The following TANC2 variants were observed in gnomAD, a reference collection of about 807,000 sequenced individuals.
The protein encoded by TANC2 is tetratricopeptide repeat, ankyrin repeat and coiled-coil containing 2, also known as protein TANC2.
TANC2 carries 26 observed loss-of-function variants against 210.5 expected under a neutral mutation model. The observed-to-expected ratio is 0.12, with a 90% CI of 0.09 to 0.17. The LOEUF is 0.17. TANC2 is among the 10% of genes least tolerant of loss of function. TANC2 has a pLI of 1.00. For missense variants in TANC2, 2,129 were observed against 2,608.9 expected (o/e 0.82, Z 4.01); for synonymous variants, 931 against 967.1 (o/e 0.96, Z 0.69).
chr17:63,265,469 G>C (rs1025675350), intron 8 of TANC2, among the ~76,000 whole-genome samples: 3 of 152,132 alleles, frequency 2.0e-5, no homozygotes, highest in African/African-American at 4.8e-5. Context: ...ATATGAATTG[G>C]AATCTATATC....
At chr17:62,978,362 A>G (rs2032132984) in intron 1 of TANC2, 1 of 152,174 alleles carries the variant, frequency 6.6e-6, no homozygotes, top group South Asian at 2.1e-4. Flanking sequence ...TTCGTATTGT[A>G]TTTATACAAA....
intron 2 of TANC2, among the ~76,000 whole-genome samples, chr17:63,032,032 A>ACT (rs1419761126): frequency 2.6e-5 from 4 of 152,156 alleles, no homozygotes; most frequent in African/African-American, 9.7e-5. Context: ...CATTTTGTGA[A>ACT]CTATATATAG....
At chr17:63,275,242 T>A (rs929857409) in intron 9 of TANC2, among the ~76,000 whole-genome samples, 6 of 152,156 alleles carry the variant, frequency 3.9e-5, no homozygotes, top group African/African-American at 1.4e-4. Context: ...ATATGGTGGT[T>A]TCCTTAGAAC....
chr17:63,424,016 C>G (rs901441212), exon 28 of TANC2: 7 of 152,334 alleles, frequency 4.6e-5, no homozygotes, highest in African/African-American at 1.7e-4. Flanking sequence ...TTGGCCAGGT[C>G]TCAGCACTGC....
intron 5 of TANC2, among the ~76,000 whole-genome samples, chr17:63,177,663 G>C (rs1009154866): frequency 2.0e-5 from 3 of 152,012 alleles, no homozygotes; most frequent in Admixed American, 2.0e-4. Flanking sequence ...GCTCTGATTC[G>C]TGCTGTAGGT....
Position 63,421,462 on chromosome 17 carries a change from C to T in TANC2, c.5732C>T (p.Ser1911Phe). The T allele has an allele frequency of 6.2e-7, 1 of 1,614,052 alleles. No homozygotes were observed. Among genetic ancestry groups the T allele is most frequent in the Non-Finnish European group, 8.5e-7 (1 of 1,179,910 alleles). Residue 1911 changes from serine to phenylalanine, a missense_variant, in exon 28 of 28, where the codon TCT (serine) becomes TTT (phenylalanine). Physicochemically the swap from Ser to Phe is radical, Grantham distance 155. Coordinates refer to ENST00000689528, the Ensembl canonical transcript of TANC2. The surrounding 1 kb of genome is among the most constrained non-coding windows in gnomAD (Gnocchi z 6.9). ...TCATGTGACGAGCTGTCGCCAGTGT[C>T]TCCAACTCAAGGAGGTTACCCCAGT...
chr17:63,260,777 T>A (rs1192781726), intron 8 of TANC2, among the ~76,000 whole-genome samples: 4 of 151,392 alleles, frequency 2.6e-5, no homozygotes, highest in Admixed American at 6.6e-5. Context: ...AAAAAAAAAA[T>A]TTCTTTTGCA....
At chr17:63,164,047 G>A (rs1460730389) in intron 5 of TANC2, among the ~76,000 whole-genome samples, 1 of 151,234 alleles carries the variant, frequency 6.6e-6, no homozygotes, top group African/African-American at 2.4e-5. Flanking sequence ...TTTTGTTCTT[G>A]AACATTCCTT....
chr17:63,420,671 C>T lies in TANC2; in HGVS notation c.4941C>T (p.Arg1647=), dbSNP rs2048998867. The change falls in exon 28 of 28, where the codon CGC becomes CGT. Residue 1647 remains arginine, a synonymous_variant. Coordinates refer to ENST00000689528, the Ensembl canonical transcript of TANC2. The surrounding 1 kb of genome is among the most constrained non-coding windows in gnomAD (Gnocchi z 4.2). The stretch of plus-strand genomic sequence containing the variant: ...GATCCCAGTCTGGTTCACCCGTGCG[C>T]TATCAGCAGGAAACAAGCGTCAGTC... 7 of 1,613,630 alleles carry T rather than the reference C, an allele frequency of 4.3e-6. No homozygotes were observed. Among genetic ancestry groups the T allele is most frequent in the Non-Finnish European group, 5.9e-6 (7 of 1,179,744 alleles).
chr17:63,274,856 C>G (rs1012170802), intron 9 of TANC2, among the ~76,000 whole-genome samples: 4 of 152,048 alleles, frequency 2.6e-5, no homozygotes, highest in African/African-American at 9.7e-5. Context: ...ATTTAATCAC[C>G]ATTAGGTTAA....
chr17:62,997,725 T>C (rs1343728916), intron 1 of TANC2, among the ~76,000 whole-genome samples: 1 of 152,178 alleles, frequency 6.6e-6, no homozygotes, highest in Non-Finnish European at 1.5e-5. Context: ...CTTCAATCTT[T>C]AAACTATTAA....
chr17:63,161,256 G>A (rs543205154), intron 5 of TANC2, among the ~76,000 whole-genome samples: 1 of 152,154 alleles, frequency 6.6e-6, no homozygotes, highest in Admixed American at 6.5e-5. Flanking sequence ...CAGCTACTTG[G>A]GGGGTTGAGG....
chr17:63,145,954 T>C (rs1217203843), intron 4 of TANC2, among the ~76,000 whole-genome samples: 3 of 152,140 alleles, frequency 2.0e-5, no homozygotes, highest in Non-Finnish European at 4.4e-5. Flanking sequence ...TTGAAAGTCG[T>C]TGGGATTTTG....
At chr17:63,413,389 A>AC in intron 24 of TANC2, 154 bp from the exon 25 acceptor site, 1 of 548,016 alleles carries the variant, frequency 1.8e-6, no homozygotes, top group Non-Finnish European at 3.2e-6. Context: ...AGTGGGAGTT[A>AC]CTAAAATACT....
At chr17:63,126,880 A>G (rs747357317) in intron 4 of TANC2, among the ~76,000 whole-genome samples, 5 of 152,128 alleles carry the variant, frequency 3.3e-5, no homozygotes, top group Non-Finnish European at 7.4e-5. Context: ...CTCTAACAGT[A>G]TTATAGTGCC....
intron 18 of TANC2, among the ~76,000 whole-genome samples, chr17:63,398,113 A>T (rs1471349224): frequency 6.6e-6 from 1 of 152,176 alleles, no homozygotes; most frequent in African/African-American, 2.4e-5. Context: ...CAGTCCTTAT[A>T]CATCTGAGAG....
Position 63,420,110 on chromosome 17 carries a change from G to A in TANC2, c.4380G>A (p.Gln1460=), listed in dbSNP as rs1336531995. The A allele has an allele frequency of 1.3e-6, 2 of 1,551,948 alleles. No homozygotes were observed. The highest frequency in any genetic ancestry group is 1.7e-6 in the Non-Finnish European group (2 of 1,147,224). Residue 1460 remains glutamine, a synonymous_variant, in exon 28 of 28, where the codon CAG becomes CAA. Coordinates refer to ENST00000689528, the Ensembl canonical transcript of TANC2. This position sits in a 1 kb window ranked among gnomAD's most constrained non-coding sequence, Gnocchi z 4.2. ...TGGAAGAAGAGTGTAGACAGATGCA[G>A]CAGCCACAGCAGCCACCGCCGCCAC...
intron 5 of TANC2, among the ~76,000 whole-genome samples, chr17:63,160,891 C>T (rs966797506): frequency 1.3e-5 from 2 of 152,058 alleles, no homozygotes; most frequent in African/African-American, 4.8e-5. Context: ...TCACTTTAAC[C>T]CCCCATGGTC....
At chr17:62,967,401 C>T (rs769873758) in intron 1 of TANC2, 15 of 152,110 alleles carry the variant, frequency 9.9e-5, no homozygotes, top group South Asian at 2.1e-4. Flanking sequence ...CAGGTTTTGC[C>T]ATCAGCGTGT....
Sources: gnomAD v4.1 joint callset for allele counts (sites outside exome capture counted in the v4.1 genomes callset) on GRCh38, gnomAD v4.1.1 for gene constraint, Gnocchi (gnomAD v3.1) non-coding constraint, MANE v1.5 for transcripts, NCBI Gene and HGNC (gene_info 2026-07-23, HGNC 2026-07-21) for gene names.